NBAS: variants seen among roughly 807,000 people sequenced by gnomAD.
NBAS encodes the protein NAG/BC035112 fusion.
A neutral mutation model predicts 302.5 loss-of-function variants in NBAS; 219 were observed. That is an observed-to-expected ratio of 0.72 (90% CI 0.65 to 0.81). NBAS has a LOEUF of 0.81. Among genes scored for constraint, NBAS ranks in the 30% least tolerant of loss-of-function variants. NBAS has a pLI of 0.00. For synonymous variants in NBAS, 1,118 were observed against 1,021.6 expected, an observed-to-expected ratio of 1.09 and a Z score of -1.80; for missense variants, 2,932 against 2,841.6, an observed-to-expected ratio of 1.03 and a Z score of -0.72.
At chr2:15,333,059 A>C (rs1024781141) in intron 35 of NBAS, among the ~76,000 whole-genome samples, 1 of 152,196 alleles carries the variant, frequency 6.6e-6, no homozygotes, top group Non-Finnish European at 1.5e-5. Flanking sequence ...AAATAATAAC[A>C]ACTTTTATAC....
At chr2:15,012,752 T>G in the NBAS span, among the ~76,000 whole-genome samples, 2 of 152,088 alleles carry the variant, frequency 1.3e-5, no homozygotes, top group Admixed American at 1.3e-4. Flanking sequence ...ATATATTAAA[T>G]GTACTGAAAG....
the NBAS span, among the ~76,000 whole-genome samples, chr2:14,876,570 T>C: frequency 6.6e-6 from 1 of 152,232 alleles, no homozygotes; most frequent in African/African-American, 2.4e-5. Flanking sequence ...GAATCATTCC[T>C]GTGTATACTT....
the NBAS span, among the ~76,000 whole-genome samples, chr2:15,019,970 A>T: frequency 6.6e-6 from 1 of 152,192 alleles, no homozygotes; most frequent in Non-Finnish European, 1.5e-5. Flanking sequence ...CAACCTGACT[A>T]AGATATCTTC....
At chr2:15,454,580 T>C (rs181124836) in intron 21 of NBAS, among the ~76,000 whole-genome samples, 33 of 152,316 alleles carry the variant, frequency 2.2e-4, no homozygotes, top group African/African-American at 7.7e-4. Flanking sequence ...CTTCTGCATG[T>C]TACAGCATCA....
At chr2:15,152,720 C>G in the NBAS span, among the ~76,000 whole-genome samples, 2 of 152,148 alleles carry the variant, frequency 1.3e-5, no homozygotes, top group Admixed American at 1.3e-4. Context: ...TATAGTTTTT[C>G]TTTTAACATA....
rs559154692 is a variant in NBAS, at chr2:15,222,523, T to C, written c.6237-3555A>G. On this transcript the variant is annotated intron_variant, in intron 47 of 51. Coordinates refer to ENST00000281513, the MANE Select transcript of NBAS (RefSeq NM_015909.4). The stretch of plus-strand genomic sequence containing the variant: ...CAATGAAAACAATATTCATAATAAT[T>C]TCTGAAGGTTTACTATGCACCATGA... Among the ~76,000 whole-genome samples, 220 of 152,296 alleles carry C rather than the reference T, an allele frequency of 1.4e-3. 2 individuals carry two copies. Among genetic ancestry groups the C allele is most frequent in the South Asian group, 0.014 (66 of 4,822 alleles).
intron 38 of NBAS, among the ~76,000 whole-genome samples, chr2:15,323,937 G>C (rs1002054436): frequency 4.0e-5 from 6 of 148,294 alleles, no homozygotes; most frequent in Admixed American, 1.3e-4. Context: ...CACCTACAAC[G>C]GATTCTAGGG....
chr2:15,420,031 T>C (rs1677137727), intron 23 of NBAS, among the ~76,000 whole-genome samples: 1 of 152,126 alleles, frequency 6.6e-6, no homozygotes, highest in African/African-American at 2.4e-5. Flanking sequence ...ATTTGACAAT[T>C]GTCAGCACAA....
chr2:15,417,804 T>C, intron 23 of NBAS, 92 bp from the exon 24 acceptor site: 1 of 1,252,516 alleles, frequency 8.0e-7, no homozygotes, highest in Non-Finnish European at 1.1e-6. Flanking sequence ...CTAATTCTTA[T>C]AATCATTTTT....
chr2:15,218,085 T>G (rs1393371168), intron 48 of NBAS, among the ~76,000 whole-genome samples: 1 of 152,160 alleles, frequency 6.6e-6, no homozygotes, highest in African/African-American at 2.4e-5. Flanking sequence ...AGCATTTTAG[T>G]ACCTGGGCAG....
intron 27 of NBAS, 46 bp from the exon 28 acceptor site, chr2:15,394,395 A>G: frequency 6.2e-7 from 1 of 1,602,044 alleles, no homozygotes; most frequent in African/African-American, 1.3e-5. Flanking sequence ...ACCAAACAAA[A>G]AGAGTCTAAG....
the NBAS span, among the ~76,000 whole-genome samples, chr2:14,868,242 T>C: frequency 2.0e-5 from 3 of 152,200 alleles, no homozygotes; most frequent in Non-Finnish European, 2.9e-5. Flanking sequence ...ATACCATGCA[T>C]CCCATCTAGT....
intron 21 of NBAS, among the ~76,000 whole-genome samples, chr2:15,439,458 T>G (rs897000815): frequency 6.6e-6 from 1 of 151,852 alleles, no homozygotes; most frequent in Admixed American, 6.6e-5. Flanking sequence ...AGAAAAAAGC[T>G]TCAGAATACT....
At chr2:15,460,468 A>G (rs933104404) in intron 21 of NBAS, among the ~76,000 whole-genome samples, 1 of 152,230 alleles carries the variant, frequency 6.6e-6, no homozygotes. Context: ...TTATGCCTCT[A>G]TTCAGTAACT....
At chr2:15,499,344 G>T (rs1403788091) in intron 11 of NBAS, among the ~76,000 whole-genome samples, 1 of 152,156 alleles carries the variant, frequency 6.6e-6, no homozygotes, top group African/African-American at 2.4e-5. Context: ...CAATAGCAAA[G>T]ACATGGAATA....
At chr2:15,255,640 G>C (rs1668559491) in intron 44 of NBAS, among the ~76,000 whole-genome samples, 1 of 152,124 alleles carries the variant, frequency 6.6e-6, no homozygotes, top group African/African-American at 2.4e-5. Flanking sequence ...ATGTCTAGAA[G>C]AGTTTTTCCA....
the NBAS span, among the ~76,000 whole-genome samples, chr2:14,867,788 T>C: frequency 6.6e-6 from 1 of 152,232 alleles, no homozygotes; most frequent in Admixed American, 6.5e-5. Flanking sequence ...ACATTTTCTG[T>C]TTATATTTTG....
chr2:15,494,318 C>A (rs1271465706), intron 11 of NBAS, among the ~76,000 whole-genome samples: 2 of 152,152 alleles, frequency 1.3e-5, no homozygotes, highest in Non-Finnish European at 2.9e-5. Context: ...GTAACAGAGG[C>A]TTTCTCTCTT....
chr2:15,310,992 A>T (rs1408698317), intron 38 of NBAS, among the ~76,000 whole-genome samples: 1 of 152,218 alleles, frequency 6.6e-6, no homozygotes, highest in Non-Finnish European at 1.5e-5. Flanking sequence ...GAAGGAAACC[A>T]TTGTCAGAAC....
Sources: allele counts gnomAD v4.1 joint callset (sites outside exome capture counted in the v4.1 genomes callset), GRCh38; gene constraint gnomAD v4.1.1; transcripts MANE v1.5; gene names NCBI Gene and HGNC (gene_info 2026-07-23, HGNC 2026-07-21).